Variants in ERBB4 observed in about 807,000 individuals in gnomAD.
The protein encoded by ERBB4 is erb-b2 receptor tyrosine kinase 4, also known as receptor tyrosine-protein kinase erbB-4.
In ERBB4, 42 loss-of-function variants were observed where a neutral mutation model predicts 158.0. The observed-to-expected ratio is 0.27, with a 90% CI of 0.21 to 0.34. The LOEUF (loss-of-function observed/expected upper bound fraction) is 0.34, where lower values mean the gene tolerates loss of function less well. Among genes scored for constraint, ERBB4 ranks in the 10% least tolerant of loss-of-function variants. The pLI, the probability that ERBB4 is intolerant of heterozygous loss-of-function variation, is 1.00. For missense variants in ERBB4, 1,333 were observed against 1,624.1 expected (o/e 0.82, Z 3.08); for synonymous variants, 583 against 558.7 (o/e 1.04, Z -0.61).
At chr2:211,481,634 G>A (rs2065086571) in intron 20 of ERBB4, among the ~76,000 whole-genome samples, 1 of 151,800 alleles carries the variant, frequency 6.6e-6, no homozygotes, top group Non-Finnish European at 1.5e-5. Context: ...TACTCCGTGA[G>A]TATGTGAGGA....
At chr2:212,187,820 C>T (rs541632836) in intron 1 of ERBB4, among the ~76,000 whole-genome samples, 1 of 152,098 alleles carries the variant, frequency 6.6e-6, no homozygotes, top group East Asian at 1.9e-4. Context: ...CATGAGTGAT[C>T]TTCAAAGTGA....
intron 12 of ERBB4, among the ~76,000 whole-genome samples, chr2:211,679,653 G>C (rs1445437372): frequency 2.0e-5 from 3 of 147,074 alleles, no homozygotes; most frequent in Non-Finnish European, 4.5e-5. Context: ...GGTAAGAAGG[G>C]GAGAAAGGAA....
chr2:211,729,947 C>T (rs1250971471), intron 5 of ERBB4, among the ~76,000 whole-genome samples: 2 of 151,756 alleles, frequency 1.3e-5, no homozygotes, highest in Non-Finnish European at 2.9e-5. Flanking sequence ...AAAACTGGGA[C>T]GTTAAACTTC....
Position 212,191,805 on chromosome 2 carries a change from A to G in ERBB4, c.83-66902T>C, listed in dbSNP as rs2082242168. 3.6e-5 allele frequency among the ~76,000 whole-genome samples: 5 copies of G among 139,170 alleles called. No homozygotes were observed. The South Asian group carries it at 1.2e-3, about 32-fold the overall frequency. The allele number at this position is 139,170 out of a possible 152,430, so 91.3% of individuals were successfully genotyped here. A position where few individuals can be genotyped will look rare whatever the true frequency, so the allele number is the denominator to read the frequency against. On this transcript the variant is annotated intron_variant, in intron 1 of 27. Transcript: ENST00000342788. ...GTGTTATATGTTCTATATGTTATAT[A>G]TAATACATGTTATATATGTTCTATG...
chr2:211,700,656 T>C (rs1164327640), intron 12 of ERBB4, among the ~76,000 whole-genome samples: 1 of 152,168 alleles, frequency 6.6e-6, no homozygotes, highest in Non-Finnish European at 1.5e-5. Flanking sequence ...AAACAAATTA[T>C]GTTGGCCTCT....
chr2:212,083,643 C>CA (rs890065301), intron 2 of ERBB4, among the ~76,000 whole-genome samples: 20 of 150,858 alleles, frequency 1.3e-4, no homozygotes, highest in Admixed American at 3.3e-4. Flanking sequence ...CCCTCCCCCC[C>CA]AAAAAAAACA....
chr2:212,067,348 T>G (rs942429415), intron 2 of ERBB4, among the ~76,000 whole-genome samples: 1 of 151,936 alleles, frequency 6.6e-6, no homozygotes, highest in African/African-American at 2.4e-5. Flanking sequence ...AGAGTGATGA[T>G]AGAGAAAAAA....
intron 1 of ERBB4, among the ~76,000 whole-genome samples, chr2:212,258,030 T>C (rs1450281617): frequency 5.3e-5 from 8 of 152,152 alleles, no homozygotes; most frequent in Admixed American, 4.6e-4. Context: ...ATTTATAATG[T>C]GCTTAACAAT....
At chr2:212,275,619 G>T (rs926600816) in intron 1 of ERBB4, among the ~76,000 whole-genome samples, 13 of 151,752 alleles carry the variant, frequency 8.6e-5, no homozygotes, top group Non-Finnish European at 1.8e-4. Context: ...TTACAGACAA[G>T]CAAATGCTGA....
intron 20 of ERBB4, among the ~76,000 whole-genome samples, chr2:211,437,203 G>C (rs1056901965): frequency 1.3e-5 from 2 of 152,112 alleles, no homozygotes; most frequent in Non-Finnish European, 2.9e-5. Flanking sequence ...GTAAGCCCTA[G>C]TAAGTTTTCA....
intron 1 of ERBB4, among the ~76,000 whole-genome samples, chr2:212,397,668 TA>T (rs2091070783): frequency 1.3e-5 from 2 of 152,184 alleles, no homozygotes; most frequent in African/African-American, 2.4e-5. Context: ...GGTCAAAGAT[TA>T]TAGAAAAGTG....
intron 2 of ERBB4, among the ~76,000 whole-genome samples, chr2:212,098,975 T>C (rs760913357): frequency 6.6e-6 from 1 of 151,828 alleles, no homozygotes; most frequent in African/African-American, 2.4e-5. Flanking sequence ...AGCACTGGGC[T>C]ATGCATATTA....
chr2:212,003,152 A>AAGGAAGGAAGGAAG lies in ERBB4; in HGVS notation c.235-55537_235-55536insCTTCCTTCCTTCCT, dbSNP rs1559292454. Reference sequence around the variant, plus strand: ...AGGAAGGAAGGAAGGAAGGAAGGAAAGAAAGAAAGAAAGAAAGAAAGAAAG... The same window carrying AAGGAAGGAAGGAAG: ...AGGAAGGAAGGAAGGAAGGAAGGAAAAGGAAGGAAGGAAGGAAAGAAAGAAAGAAAGAAAGAAAG... On this transcript the variant is annotated intron_variant, in intron 2 of 27. Coordinates refer to ENST00000342788, the MANE Select transcript of ERBB4 (RefSeq NM_005235.3). Among the ~76,000 whole-genome samples, 18 of 23,028 alleles carry AAGGAAGGAAGGAAG rather than the reference A, an allele frequency of 7.8e-4. 1 individual carries two copies. The highest frequency in any genetic ancestry group is 5.5e-3 in the East Asian group (3 of 546). The allele number at this position is 23,028 out of a possible 152,430, so 15.1% of individuals were successfully genotyped here.
intron 2 of ERBB4, among the ~76,000 whole-genome samples, chr2:212,085,169 A>T (rs1351053369): frequency 2.0e-5 from 3 of 151,914 alleles, no homozygotes; most frequent in African/African-American, 7.2e-5. Flanking sequence ...AGCATCATCA[A>T]TCTCAATATT....
chr2:212,181,018 C>A (rs1182611233), intron 1 of ERBB4, among the ~76,000 whole-genome samples: 2 of 151,582 alleles, frequency 1.3e-5, no homozygotes, highest in Admixed American at 1.3e-4. Flanking sequence ...ATGCTAACAA[C>A]TGTTGATGAT....
chr2:211,778,998 C>T (rs976054243), intron 4 of ERBB4: 1 of 152,100 alleles, frequency 6.6e-6, no homozygotes, highest in Non-Finnish European at 1.5e-5. Context: ...GGATAATCTC[C>T]CACATGGTAA....
intron 19 of ERBB4, among the ~76,000 whole-genome samples, chr2:211,616,932 T>C (rs910601903): frequency 1.3e-5 from 2 of 152,006 alleles, no homozygotes; most frequent in Admixed American, 1.3e-4. Flanking sequence ...TCTAGGAAAA[T>C]GACTCCTTTC....
intron 1 of ERBB4, among the ~76,000 whole-genome samples, chr2:212,255,183 A>G (rs2084681721): frequency 1.3e-5 from 2 of 152,154 alleles, no homozygotes; most frequent in African/African-American, 4.8e-5. Flanking sequence ...TGAATACTGT[A>G]CTATTAAGAG....
chr2:212,385,646 T>C (rs1468681977), intron 1 of ERBB4, among the ~76,000 whole-genome samples: 4 of 151,872 alleles, frequency 2.6e-5, no homozygotes, highest in Non-Finnish European at 5.9e-5. Context: ...GTTAATAGTA[T>C]AGATGCCAAT....
Sources: gnomAD v4.1 joint callset for allele counts (sites outside exome capture counted in the v4.1 genomes callset) on GRCh38, gnomAD v4.1.1 for gene constraint, MANE v1.5 for transcripts, NCBI Gene and HGNC (gene_info 2026-07-23, HGNC 2026-07-21) for gene names.